NT5DC1: variants seen among roughly 807,000 people sequenced by gnomAD.
The protein encoded by NT5DC1 is 5'-nucleotidase domain containing 1.
Under a neutral mutation model 59.4 loss-of-function variants are expected in NT5DC1, and 42 were observed. The ratio of observed to expected loss-of-function variants is 0.71; its 90% CI spans 0.55 to 0.92. The LOEUF (loss-of-function observed/expected upper bound fraction) is 0.92, where lower values mean the gene tolerates loss of function less well. Among genes scored for constraint, NT5DC1 ranks in the 40% least tolerant of loss-of-function variants. The pLI is 0.00. For synonymous variants in NT5DC1, 172 were observed against 188.1 expected (o/e 0.91, Z 0.70); for missense variants, 501 against 537.1 (o/e 0.93, Z 0.66).
chr6:116,114,531 GGGGGA>G (rs1315443403), intron 4 of NT5DC1, among the ~76,000 whole-genome samples: 5,245 of 93,126 alleles, frequency 0.056, 460 homozygotes, highest in African/African-American at 0.12. Flanking sequence ...TTGCAAATTG[GGGGGA>G]GGGGGGGGGA....
At chr6:116,187,656 A>C (rs902451298) in intron 6 of NT5DC1, among the ~76,000 whole-genome samples, 1 of 152,112 alleles carries the variant, frequency 6.6e-6, no homozygotes, top group Non-Finnish European at 1.5e-5. Flanking sequence ...TTGGAAATCT[A>C]TGTAGAAATT....
chr6:116,121,502 G>A, intron 6 of NT5DC1: 3 of 1,614,108 alleles, frequency 1.9e-6, no homozygotes, highest in Non-Finnish European at 2.5e-6. Flanking sequence ...CTGAGGGCCT[G>A]GAAGACCCCT....
chr6:116,154,576 C>G (rs1031745156), intron 6 of NT5DC1, among the ~76,000 whole-genome samples: 1 of 151,990 alleles, frequency 6.6e-6, no homozygotes, highest in Non-Finnish European at 1.5e-5. Flanking sequence ...TTAAAAAATG[C>G]TAGAACAGTG....
chr6:116,141,759 G>GTT (rs556953268), intron 6 of NT5DC1, among the ~76,000 whole-genome samples: 16 of 138,452 alleles, frequency 1.2e-4, no homozygotes, highest in African/African-American at 3.4e-4. Context: ...TTCTTCTTTT[G>GTT]TTTTTTTTTT....
chr6:116,141,943 T>C (rs548770745), intron 6 of NT5DC1, among the ~76,000 whole-genome samples: 1 of 148,084 alleles, frequency 6.8e-6, no homozygotes, highest in Non-Finnish European at 1.5e-5. Flanking sequence ...ATGTGAGATG[T>C]TCCTAGTCTA....
chr6:116,116,351 A>T (rs907846274), intron 5 of NT5DC1, among the ~76,000 whole-genome samples: 11 of 152,216 alleles, frequency 7.2e-5, no homozygotes, highest in African/African-American at 2.7e-4. Flanking sequence ...TTTAAAAATA[A>T]CTACTTTTGG....
chr6:116,121,237 TGG>T, intron 6 of NT5DC1: 3 of 1,613,680 alleles, frequency 1.9e-6, no homozygotes, highest in Non-Finnish European at 2.5e-6. Context: ...CAGGAGGCCC[TGG>T]GGGCCCAGCT....
At chr6:116,216,544 C>G (rs1382733321) in intron 6 of NT5DC1, among the ~76,000 whole-genome samples, 1 of 151,868 alleles carries the variant, frequency 6.6e-6, no homozygotes, top group Non-Finnish European at 1.5e-5. Flanking sequence ...CTCTCATATT[C>G]TGTACTTCAT....
At chr6:116,205,660 T>G (rs1781437043) in intron 6 of NT5DC1, among the ~76,000 whole-genome samples, 1 of 152,026 alleles carries the variant, frequency 6.6e-6, no homozygotes, top group African/African-American at 2.4e-5. Context: ...ACCAGCTGTT[T>G]GTGTAGTTTC....
At position 116,238,191 on chromosome 6, in the gene NT5DC1, T is replaced by G; in HGVS notation, c.926T>G (p.Val309Gly). Residue 309 changes from valine (V) to glycine (G), a missense_variant, in exon 10 of 12, where the codon GTT becomes GGT. Coordinates refer to ENST00000319550, the MANE Select transcript of NT5DC1 (RefSeq NM_152729.3). The stretch of plus-strand genomic sequence containing the variant: ...CATCTGCTATCTGTCTTACAGGTTG[T>G]TTATTTTGGTGACAGCATGCATTCA... ...KMTGKPEPKV[V>G]YFGDSMHSDI... The G allele has an allele frequency of 6.2e-7, 1 of 1,608,170 alleles. No individual in the cohort carries two copies. The highest frequency in any genetic ancestry group is 1.3e-5 in the African/African-American group (1 of 74,662).
intron 5 of NT5DC1, 93 bp downstream of exon 5, chr6:116,115,863 T>C (rs902095383): frequency 1.6e-6 from 1 of 623,574 alleles, no homozygotes; most frequent in African/African-American, 1.9e-5. Context: ...GTGATTTTGC[T>C]TAGTTTCTTC....
chr6:116,241,796 G>A (rs1173923071), intron 11 of NT5DC1, among the ~76,000 whole-genome samples: 3 of 151,358 alleles, frequency 2.0e-5, no homozygotes, highest in Non-Finnish European at 4.4e-5. Context: ...GGTGGCGGGC[G>A]CCTGTAGTCC....
chr6:116,179,037 A>G (rs1780815155), intron 6 of NT5DC1, among the ~76,000 whole-genome samples: 1 of 152,194 alleles, frequency 6.6e-6, no homozygotes, highest in Non-Finnish European at 1.5e-5. Flanking sequence ...TAAAATAGTC[A>G]AAGTAAGTTT....
chr6:116,178,106 CGT>C (rs141400633), intron 6 of NT5DC1, among the ~76,000 whole-genome samples: 1 of 130,740 alleles, frequency 7.6e-6, no homozygotes, highest in Non-Finnish European at 1.6e-5. Context: ...CGCGCGCGTG[CGT>C]GCGTGTGTGT....
chr6:116,184,187 T>C (rs1473432010), intron 6 of NT5DC1, among the ~76,000 whole-genome samples: 1 of 152,142 alleles, frequency 6.6e-6, no homozygotes, highest in Non-Finnish European at 1.5e-5. Flanking sequence ...ATTCGGTTTA[T>C]GTGGTGTATC....
chr6:116,221,081 TA>T lies in NT5DC1; in HGVS notation c.562del (p.Arg188GlufsTer14). ...KENCGIYFPEIKRDPGRYLHS... is the reference protein window; with the variant it reads ...KENCGIYFPEXKRDPGRYLHS... ...AACTGTGGAATATATTTTCCAGAAA[TA>T]AAAAGAGATCCAGGCAGATATTTAC... is the stretch of plus-strand genomic sequence containing the variant. On this transcript the variant is annotated frameshift_variant, in exon 7 of 12. Coordinates refer to ENST00000319550, the MANE Select transcript of NT5DC1 (RefSeq NM_152729.3). LOFTEE classifies it high-confidence loss of function. The T allele has an allele frequency of 6.5e-7, 1 of 1,543,908 alleles. No homozygotes were observed. The highest frequency in any genetic ancestry group is 8.9e-7 in the Non-Finnish European group (1 of 1,124,828).
chr6:116,199,231 G>A (rs1582869147), intron 6 of NT5DC1, among the ~76,000 whole-genome samples: 1 of 152,126 alleles, frequency 6.6e-6, no homozygotes, highest in East Asian at 1.9e-4. Context: ...TGTCAGTTAC[G>A]CCTATTAAAT....
chr6:116,204,410 A>C (rs1445995747), intron 6 of NT5DC1, among the ~76,000 whole-genome samples: 1 of 151,972 alleles, frequency 6.6e-6, no homozygotes, highest in Non-Finnish European at 1.5e-5. Context: ...TGCAAGGTAA[A>C]ACAATGAGAT....
chr6:116,202,925 G>A (rs967049636), intron 6 of NT5DC1, among the ~76,000 whole-genome samples: 1 of 151,930 alleles, frequency 6.6e-6, no homozygotes, highest in African/African-American at 2.4e-5. Context: ...TAGGGGTAAT[G>A]TAGTAATGCA....
Sources: gnomAD v4.1 joint callset for allele counts (sites outside exome capture counted in the v4.1 genomes callset) on GRCh38, gnomAD v4.1.1 for gene constraint, MANE v1.5 for transcripts, NCBI Gene and HGNC (gene_info 2026-07-23, HGNC 2026-07-21) for gene names.